Variants in GSTCD observed in about 807,000 individuals in gnomAD.
The protein encoded by GSTCD is glutathione S-transferase C-terminal domain-containing protein.
In GSTCD, 44 loss-of-function variants were observed where a neutral mutation model predicts 68.3. The ratio of observed to expected loss-of-function variants is 0.64; its 90% CI spans 0.51 to 0.83. GSTCD has a LOEUF of 0.83. Among genes scored for constraint, GSTCD ranks in the 40% least tolerant of loss-of-function variants. The pLI is 0.00. For missense variants in GSTCD, 739 were observed against 735.9 expected, an observed-to-expected ratio of 1.00 and a Z score of -0.05; for synonymous variants, 273 against 255.2, an observed-to-expected ratio of 1.07 and a Z score of -0.67.
chr4:105,840,306 C>A, intron 10 of GSTCD: 1 of 410,750 alleles, frequency 2.4e-6, no homozygotes. Flanking sequence ...AATTTTCCTT[C>A]TCTCCTTTCG....
At chr4:105,795,068 G>T (rs1234363773) in intron 5 of GSTCD, among the ~76,000 whole-genome samples, 1 of 151,846 alleles carries the variant, frequency 6.6e-6, no homozygotes, top group Non-Finnish European at 1.5e-5. Flanking sequence ...TAGAGTCAGG[G>T]TTTCACCATG....
At chr4:105,757,200 G>A (rs946537789) in intron 5 of GSTCD, among the ~76,000 whole-genome samples, 1 of 152,126 alleles carries the variant, frequency 6.6e-6, no homozygotes, top group Non-Finnish European at 1.5e-5. Context: ...TAGACAGGGG[G>A]AAGAATTATA....
intron 5 of GSTCD, among the ~76,000 whole-genome samples, chr4:105,747,693 A>G (rs1049845653): frequency 2.6e-5 from 4 of 152,184 alleles, no homozygotes; most frequent in African/African-American, 9.7e-5. Flanking sequence ...AGTTATACTG[A>G]CAAATATAAG....
At chr4:105,718,861 G>C (rs1215588717) in intron 2 of GSTCD, among the ~76,000 whole-genome samples, 199 bp from the exon 3 acceptor site, 6 of 152,014 alleles carry the variant, frequency 3.9e-5, no homozygotes, top group Non-Finnish European at 8.8e-5. Context: ...TTTAGTAAGG[G>C]GAATACAGGA....
chr4:105,840,314 T>C (rs2149287875), intron 10 of GSTCD: 1 of 388,426 alleles, frequency 2.6e-6, no homozygotes, highest in Non-Finnish European at 5.2e-6. Flanking sequence ...TTCTCTCCTT[T>C]CGTTGATGCC....
At chr4:105,748,274 AC>A (rs1733881496) in intron 5 of GSTCD, among the ~76,000 whole-genome samples, 1 of 152,066 alleles carries the variant, frequency 6.6e-6, no homozygotes, top group Non-Finnish European at 1.5e-5. Context: ...AAAAAAAAAT[AC>A]TAAAAGTGTA....
chr4:105,832,686 TAA>T (rs1046956810), intron 8 of GSTCD, among the ~76,000 whole-genome samples: 1 of 152,124 alleles, frequency 6.6e-6, no homozygotes, highest in Non-Finnish European at 1.5e-5. Context: ...TTGGAGATAA[TAA>T]AGTCTTTCAG....
chr4:105,760,449 T>A (rs1328499313), intron 5 of GSTCD, among the ~76,000 whole-genome samples: 1 of 152,204 alleles, frequency 6.6e-6, no homozygotes, highest in African/African-American at 2.4e-5. Context: ...GAGACTTTGA[T>A]CTTACCAGCT....
intron 5 of GSTCD, among the ~76,000 whole-genome samples, chr4:105,811,383 G>A (rs1358008308): frequency 6.6e-6 from 1 of 151,814 alleles, no homozygotes; most frequent in African/African-American, 2.4e-5. Context: ...ACATCATGGC[G>A]TGTTTGAAGA....
intron 5 of GSTCD, among the ~76,000 whole-genome samples, chr4:105,788,200 G>C (rs1384465219): frequency 6.6e-6 from 1 of 151,924 alleles, no homozygotes; most frequent in African/African-American, 2.4e-5. Context: ...TTGAATTATA[G>C]TGTACCGCCA....
chr4:105,729,557 G>T, intron 5 of GSTCD, 58 bp downstream of exon 5: 1 of 1,102,072 alleles, frequency 9.1e-7, no homozygotes, highest in Non-Finnish European at 1.4e-6. Context: ...CTTCAGATAT[G>T]TCTTCTAATT....
intron 5 of GSTCD, among the ~76,000 whole-genome samples, chr4:105,750,254 A>G (rs952009964): frequency 6.6e-6 from 1 of 152,106 alleles, no homozygotes; most frequent in Non-Finnish European, 1.5e-5. Flanking sequence ...ACCTGAGGTC[A>G]GGAGTTCGAT....
chr4:105,827,748 A>T (rs374979392), intron 8 of GSTCD, among the ~76,000 whole-genome samples: 1 of 152,172 alleles, frequency 6.6e-6, no homozygotes, highest in Non-Finnish European at 1.5e-5. Flanking sequence ...TGACATTTCA[A>T]TAAGGGCTTA....
chr4:105,731,882 A>T (rs563593692), intron 5 of GSTCD, among the ~76,000 whole-genome samples: 53 of 152,268 alleles, frequency 3.5e-4, no homozygotes, highest in Admixed American at 3.4e-3. Flanking sequence ...TACCTAATTT[A>T]TTGAGAGTTT....
rs189405596 is a variant in GSTCD at position 105,760,686 on chromosome 4, G to A, written c.1240+31187G>A. ...AGAAGAATGTAAAGTATCTTAGTGA[G>A]AGGGAGCAGCATAAATGAAAATGGA... On this transcript the variant is annotated intron_variant, in intron 5 of 11. Transcript: ENST00000515279. Among the ~76,000 whole-genome samples, 22 of 152,270 alleles carry A rather than the reference G, an allele frequency of 1.4e-4. No homozygotes were observed. In the East Asian group the frequency reaches 4.0e-3, roughly 28 times the overall value.
intron 5 of GSTCD, among the ~76,000 whole-genome samples, chr4:105,736,729 T>A (rs920685370): frequency 2.0e-5 from 3 of 152,196 alleles, no homozygotes; most frequent in Non-Finnish European, 4.4e-5. Context: ...ATTAACCAAC[T>A]TCTGGCTATA....
rs762002576 is a variant in GSTCD at position 105,834,555 on chromosome 4, G to A, written c.1625G>A (p.Gly542Asp). Residue 542 changes from glycine (G) to aspartate (D), a missense_variant, in exon 9 of 12, where the codon GGT becomes GAT. Transcript: ENST00000515279. ...ASFVTCPCCY[G>D]FIQNTSKFNF... Reference sequence around the variant, plus strand: ...TTCGTCACATGCCCTTGCTGTTATGGTTTCATTCAGAACACCTCAAAGTTC... The same window carrying A: ...TTCGTCACATGCCCTTGCTGTTATGATTTCATTCAGAACACCTCAAAGTTC... The A allele has an allele frequency of 3.1e-6, 5 of 1,613,928 alleles. No individual in the cohort carries two copies. The highest frequency in any genetic ancestry group is 1.3e-5 in the African/African-American group (1 of 74,894).
At chr4:105,827,298 T>C (rs1723683474) in intron 8 of GSTCD, 1 of 152,176 alleles carries the variant, frequency 6.6e-6, no homozygotes, top group African/African-American at 2.4e-5. Flanking sequence ...GTTCCATCCG[T>C]CTCTTGGCCC....
intron 5 of GSTCD, among the ~76,000 whole-genome samples, chr4:105,793,718 C>T (rs1025132000): frequency 3.3e-5 from 5 of 151,898 alleles, no homozygotes; most frequent in South Asian, 2.1e-4. Context: ...CCCCACCCAC[C>T]GCAGCCAAGA....
Sources: gnomAD v4.1 joint callset for allele counts (sites outside exome capture counted in the v4.1 genomes callset) on GRCh38, gnomAD v4.1.1 for gene constraint, MANE v1.5 for transcripts, NCBI Gene and HGNC (gene_info 2026-07-23, HGNC 2026-07-21) for gene names.